Variants in SIMC1 observed in about 807,000 individuals in gnomAD.
SIMC1 encodes SUMO-interacting motif-containing protein 1.
In SIMC1, 55 loss-of-function variants were observed where a neutral mutation model predicts 82.3. That is an observed-to-expected ratio of 0.67 (90% CI 0.54 to 0.84). SIMC1 has a LOEUF of 0.84. SIMC1 is among the 40% of genes least tolerant of loss of function. SIMC1 has a pLI of 0.00. For synonymous variants in SIMC1, 353 were observed against 426.3 expected (o/e 0.83, Z 2.12); for missense variants, 915 against 1,107.2 (o/e 0.83, Z 2.46).
chr5:176,305,438 G>A (rs1395416134), intron 4 of SIMC1, among the ~76,000 whole-genome samples: 1 of 14,708 alleles, frequency 6.8e-5, no homozygotes, highest in Admixed American at 4.7e-4. Context: ...CAGCCGCCCC[G>A]TCTGGGAGGT....
At chr5:176,281,583 T>C (rs766487105) in intron 1 of SIMC1, among the ~76,000 whole-genome samples, 2 of 152,176 alleles carry the variant, frequency 1.3e-5, no homozygotes, top group Non-Finnish European at 2.9e-5. Context: ...TCTTTGATGA[T>C]GGTGATGTAC....
intron 4 of SIMC1, among the ~76,000 whole-genome samples, chr5:176,310,273 A>G (rs1369488844): frequency 6.6e-6 from 1 of 152,252 alleles, no homozygotes; most frequent in East Asian, 1.9e-4. Context: ...TAATTTTTTA[A>G]TCAAGTTAAA....
At chr5:176,251,609 T>C (rs1761655908) in intron 1 of SIMC1, among the ~76,000 whole-genome samples, 1 of 151,646 alleles carries the variant, frequency 6.6e-6, no homozygotes, top group Non-Finnish European at 1.5e-5. Context: ...TTATTGATCA[T>C]TCTGGGGTGT....
chr5:176,261,912 T>TA (rs1163772077), intron 1 of SIMC1, among the ~76,000 whole-genome samples: 4 of 152,290 alleles, frequency 2.6e-5, no homozygotes, highest in Admixed American at 2.0e-4. Flanking sequence ...GAAGAAATGA[T>TA]AAAAATTCTC....
chr5:176,325,917 G>A (rs1325310012), intron 7 of SIMC1, among the ~76,000 whole-genome samples: 1 of 152,052 alleles, frequency 6.6e-6, no homozygotes, highest in Non-Finnish European at 1.5e-5. Context: ...GTAAGAATTA[G>A]GAATTCAGTT....
chr5:176,252,537 CGAT>C (rs1761708791), intron 1 of SIMC1, among the ~76,000 whole-genome samples: 1 of 147,240 alleles, frequency 6.8e-6, no homozygotes, highest in African/African-American at 2.5e-5. Flanking sequence ...ACATCTCAGA[CGAT>C]GGGCGGCCGG....
chr5:176,261,748 A>C (rs147245998), intron 1 of SIMC1, among the ~76,000 whole-genome samples: 3,182 of 131,870 alleles, frequency 0.024, 48 homozygotes, highest in Middle Eastern at 0.07. Context: ...ACTCTGTCTC[A>C]AAAAAAAAAG....
chr5:176,266,292 C>T lies in SIMC1; in HGVS notation c.130-23362C>T, dbSNP rs185932504. 1.3e-3 allele frequency among the ~76,000 whole-genome samples: 205 copies of T among 151,896 alleles called. 1 individual carries two copies. The highest frequency in any genetic ancestry group is 1.8e-3 in the Non-Finnish European group (121 of 68,010). ...GTCAGGGGACAGAGGTCAAGGCTGGCGGAGCAAGAAATTACAGAGGAATCC... is the reference window on the plus strand; with the variant it reads ...GTCAGGGGACAGAGGTCAAGGCTGGTGGAGCAAGAAATTACAGAGGAATCC... On this transcript the variant is annotated intron_variant, in intron 1 of 9. Coordinates refer to ENST00000429602, the MANE Select transcript of SIMC1 (RefSeq NM_001308195.2).
chr5:176,247,515 G>T (rs1761490815), intron 1 of SIMC1, among the ~76,000 whole-genome samples: 1 of 151,910 alleles, frequency 6.6e-6, no homozygotes, highest in Admixed American at 6.6e-5. Context: ...TTAGCCCTTT[G>T]TCAGATGGAT....
Position 176,281,216 on chromosome 5 carries a change from A to G in SIMC1, c.130-8438A>G, listed in dbSNP as rs190487927. 2.6e-5 allele frequency among the ~76,000 whole-genome samples: 4 copies of G among 152,206 alleles called. No individual in the cohort carries two copies. In the East Asian group the frequency reaches 7.7e-4, roughly 29 times the overall value. On this transcript the variant is annotated intron_variant, in intron 1 of 9. Transcript: ENST00000429602. ...TCGCTGATACCCTTTCTTCCAGTTG[A>G]TCACATCAGCTCCTGAGGCTTCTGC...
At chr5:176,324,815 T>G in intron 7 of SIMC1, 58 bp downstream of exon 7, 2 of 1,484,470 alleles carry the variant, frequency 1.3e-6, no homozygotes. Context: ...AAAAAAACTC[T>G]TGGAAATCAT....
intron 2 of SIMC1, among the ~76,000 whole-genome samples, chr5:176,292,167 A>G (rs1763607071): frequency 6.6e-6 from 1 of 152,234 alleles, no homozygotes; most frequent in Non-Finnish European, 1.5e-5. Flanking sequence ...ATGGGCCTCC[A>G]AAATTATTAC....
chr5:176,266,712 A>G (rs1762225710), intron 1 of SIMC1, among the ~76,000 whole-genome samples: 1 of 83,706 alleles, frequency 1.2e-5, no homozygotes, highest in East Asian at 3.4e-4. Context: ...GTTGGATTTA[A>G]CAGAAACTTC....
chr5:176,255,737 AAAG>A (rs1051104716), intron 1 of SIMC1, among the ~76,000 whole-genome samples: 4 of 150,482 alleles, frequency 2.7e-5, no homozygotes, highest in African/African-American at 9.7e-5. Flanking sequence ...AAAAAAAAGA[AAAG>A]AAAAGAAAGA....
intron 1 of SIMC1, among the ~76,000 whole-genome samples, chr5:176,246,607 T>A (rs948911207): frequency 1.3e-5 from 2 of 151,906 alleles, no homozygotes; most frequent in Non-Finnish European, 2.9e-5. Flanking sequence ...CTAGCTAATT[T>A]TTTATTTATT....
At chr5:176,295,836 A>T (rs1245025795) in intron 3 of SIMC1, among the ~76,000 whole-genome samples, 1 of 151,856 alleles carries the variant, frequency 6.6e-6, no homozygotes, top group African/African-American at 2.4e-5. Flanking sequence ...ATAGTCACCC[A>T]AGAGTTCTGA....
intron 4 of SIMC1, among the ~76,000 whole-genome samples, chr5:176,309,405 A>C (rs965945347): frequency 2.0e-5 from 3 of 152,256 alleles, no homozygotes; most frequent in African/African-American, 7.2e-5. Flanking sequence ...AATGCAATAC[A>C]TAAAACTATA....
intron 4 of SIMC1, chr5:176,308,439 C>T (rs1764520347): frequency 4.4e-6 from 7 of 1,607,816 alleles, no homozygotes; most frequent in Admixed American, 1.7e-5. Context: ...TTCCCATCCT[C>T]ATATAACTGT....
chr5:176,255,353 G>A (rs1761815105), intron 1 of SIMC1, among the ~76,000 whole-genome samples: 1 of 151,966 alleles, frequency 6.6e-6, no homozygotes, highest in South Asian at 2.1e-4. Flanking sequence ...AGGCTGAGGC[G>A]AGCTGATCAC....
Sources: allele counts gnomAD v4.1 joint callset (sites outside exome capture counted in the v4.1 genomes callset), GRCh38; gene constraint gnomAD v4.1.1; transcripts MANE v1.5; gene names NCBI Gene and HGNC (gene_info 2026-07-23, HGNC 2026-07-21).